SH3RF3: variants seen among roughly 807,000 people sequenced by gnomAD.
The protein encoded by SH3RF3 is SH3 domain containing ring finger 3.
SH3RF3 carries 29 observed loss-of-function variants against 66.3 expected under a neutral mutation model. The ratio of observed to expected loss-of-function variants is 0.44; its 90% CI spans 0.33 to 0.60. SH3RF3 has a LOEUF of 0.60. Ranked by LOEUF, SH3RF3 falls within the 20% of genes least tolerant of loss-of-function variation. The probability of loss-of-function intolerance (pLI) is 0.04; values close to 1 mark genes in which losing one functional copy is unlikely to be tolerated. For missense variants in SH3RF3, 1,194 were observed against 1,190.9 expected, an observed-to-expected ratio of 1.00 and a Z score of -0.04; for synonymous variants, 583 against 532.0, an observed-to-expected ratio of 1.10 and a Z score of -1.32.
chr2:109,247,746 AC>A (rs377251509), intron 1 of SH3RF3, among the ~76,000 whole-genome samples: 7 of 152,072 alleles, frequency 4.6e-5, no homozygotes, highest in African/African-American at 1.7e-4. Flanking sequence ...TATAACAGAA[AC>A]CCAAAACTTA....
chr2:109,146,158 A>G (rs1192230810), intron 1 of SH3RF3, among the ~76,000 whole-genome samples: 3 of 152,188 alleles, frequency 2.0e-5, no homozygotes, highest in Non-Finnish European at 4.4e-5. Flanking sequence ...AGTTTTCATT[A>G]GAATACGTAT....
chr2:109,324,903 G>A lies in SH3RF3; in HGVS notation c.574-22771G>A, dbSNP rs563255762. The stretch of plus-strand genomic sequence containing the variant: ...TCCTGGAAGGAACGGTGGAGCTGTC[G>A]CTTCCCCAAACCCTCTCCTCTTGCC... On this transcript the variant is annotated intron_variant, in intron 1 of 9. Transcript: ENST00000309415. Among the ~76,000 whole-genome samples, 5 of 152,300 alleles carry A rather than the reference G, an allele frequency of 3.3e-5. No individual in the cohort carries two copies. The East Asian group carries it at 7.7e-4, about 24-fold the overall frequency.
chr2:109,265,124 T>A (rs554285351), intron 1 of SH3RF3, among the ~76,000 whole-genome samples: 1 of 152,088 alleles, frequency 6.6e-6, no homozygotes, highest in Non-Finnish European at 1.5e-5. Flanking sequence ...CGAAATAGGA[T>A]GGTGTGTGTT....
intron 8 of SH3RF3, among the ~76,000 whole-genome samples, chr2:109,479,358 T>G (rs1678773246): frequency 6.6e-6 from 1 of 152,196 alleles, no homozygotes; most frequent in African/African-American, 2.4e-5. Context: ...TGTGGCTGTA[T>G]TTAGAAAATA....
At chr2:109,324,694 G>A (rs1161331044) in intron 1 of SH3RF3, among the ~76,000 whole-genome samples, 5 of 152,312 alleles carry the variant, frequency 3.3e-5, no homozygotes, top group African/African-American at 1.2e-4. Context: ...CAAAGCTGTG[G>A]ATCCCTGCTG....
intron 3 of SH3RF3, among the ~76,000 whole-genome samples, chr2:109,388,041 C>T (rs1675872420): frequency 6.6e-6 from 1 of 152,196 alleles, no homozygotes; most frequent in African/African-American, 2.4e-5. Context: ...TCCTGTTCAG[C>T]CCTCACAGCC....
intron 1 of SH3RF3, among the ~76,000 whole-genome samples, chr2:109,176,487 T>C (rs779231297): frequency 2.6e-5 from 4 of 152,006 alleles, no homozygotes; most frequent in Admixed American, 6.6e-5. Flanking sequence ...ATCCTAACAC[T>C]TTGTGGGGCC....
At position 109,250,543 on chromosome 2, in the gene SH3RF3, C is replaced by T. The variant is rs552118293; in HGVS notation, c.574-97131C>T. 1.2e-4 allele frequency among the ~76,000 whole-genome samples: 18 copies of T among 151,700 alleles called. No homozygotes were observed. The East Asian group carries it at 2.5e-3, about 21-fold the overall frequency. On this transcript the variant is annotated intron_variant, in intron 1 of 9. Transcript: ENST00000309415. Reference sequence around the variant, plus strand: ...GATTTTAAAGGATCTAGAATTTGACCGTTTTTCTTTTTCAAAACATGATAA... The same window carrying T: ...GATTTTAAAGGATCTAGAATTTGACTGTTTTTCTTTTTCAAAACATGATAA...
chr2:109,454,033 C>T (rs1432514152), intron 8 of SH3RF3, among the ~76,000 whole-genome samples: 1 of 152,206 alleles, frequency 6.6e-6, no homozygotes, highest in Non-Finnish European at 1.5e-5. Context: ...AACTTAACTA[C>T]TTAAATATCC....
At chr2:109,134,437 C>A (rs1676772054) in intron 1 of SH3RF3, among the ~76,000 whole-genome samples, 1 of 152,112 alleles carries the variant, frequency 6.6e-6, no homozygotes, top group African/African-American at 2.4e-5. Context: ...TTCAGAAGGC[C>A]CCTGAGTGTG....
intron 1 of SH3RF3, among the ~76,000 whole-genome samples, chr2:109,313,877 G>A (rs1574567443): frequency 1.3e-5 from 2 of 148,556 alleles, no homozygotes; most frequent in African/African-American, 5.2e-5. Context: ...GGGATTTGAA[G>A]AGTGGCAGTG....
At chr2:109,249,255 T>C (rs959807338) in intron 1 of SH3RF3, among the ~76,000 whole-genome samples, 3 of 152,204 alleles carry the variant, frequency 2.0e-5, no homozygotes, top group Non-Finnish European at 2.9e-5. Flanking sequence ...CAGGTTTCTG[T>C]TGAAAAGTTA....
At chr2:109,239,520 C>G (rs1444205341) in intron 1 of SH3RF3, among the ~76,000 whole-genome samples, 1 of 152,084 alleles carries the variant, frequency 6.6e-6, no homozygotes, top group Non-Finnish European at 1.5e-5. Context: ...TGAATTTGGC[C>G]CCATATTTGA....
At chr2:109,272,795 C>A (rs949598269) in intron 1 of SH3RF3, among the ~76,000 whole-genome samples, 1 of 152,198 alleles carries the variant, frequency 6.6e-6, no homozygotes, top group African/African-American at 2.4e-5. Context: ...AAACAGCCCC[C>A]GGTACTGCCG....
At chr2:109,354,934 G>A (rs1239013472) in intron 2 of SH3RF3, among the ~76,000 whole-genome samples, 2 of 152,230 alleles carry the variant, frequency 1.3e-5, no homozygotes, top group African/African-American at 4.8e-5. Flanking sequence ...AGGAAGAAAG[G>A]TGATATAGTT....
intron 1 of SH3RF3, among the ~76,000 whole-genome samples, chr2:109,303,291 C>A (rs569489909): frequency 2.0e-5 from 3 of 152,214 alleles, no homozygotes; most frequent in African/African-American, 7.2e-5. Context: ...GAATTTGGAA[C>A]GTCCATCCAT....
chr2:109,288,609 G>A (rs1241529038), intron 1 of SH3RF3, among the ~76,000 whole-genome samples: 1 of 152,196 alleles, frequency 6.6e-6, no homozygotes, highest in East Asian at 1.9e-4. Context: ...ACAGCACACT[G>A]GGATTTTTGC....
intron 8 of SH3RF3, among the ~76,000 whole-genome samples, chr2:109,490,123 T>A (rs139644310): frequency 0.036 from 5,476 of 152,338 alleles, 145 homozygotes; most frequent in Non-Finnish European, 0.052. Flanking sequence ...GGAACCATTC[T>A]CCATGGGTCT....
chr2:109,386,301 A>G (rs1467385961), intron 3 of SH3RF3, among the ~76,000 whole-genome samples: 1 of 152,196 alleles, frequency 6.6e-6, no homozygotes, highest in Non-Finnish European at 1.5e-5. Context: ...TGGAGCATGT[A>G]CAGGTGACAT....
Sources: gnomAD v4.1 joint callset for allele counts (sites outside exome capture counted in the v4.1 genomes callset) on GRCh38, gnomAD v4.1.1 for gene constraint, MANE v1.5 for transcripts, NCBI Gene and HGNC (gene_info 2026-07-23, HGNC 2026-07-21) for gene names.